CDH20: variants seen among roughly 807,000 people sequenced by gnomAD.
CDH20 encodes cadherin 20.
CDH20 carries 29 observed loss-of-function variants against 74.2 expected under a neutral mutation model. The ratio of observed to expected loss-of-function variants is 0.39; its 90% confidence interval spans 0.29 to 0.53. The LOEUF (loss-of-function observed/expected upper bound fraction) is 0.53. Ranked by LOEUF, CDH20 falls within the 20% of genes least tolerant of loss-of-function variation. CDH20 has a pLI of 0.69. For synonymous variants in CDH20, 469 were observed against 405.4 expected, an observed-to-expected ratio of 1.16 and a Z score of -1.88; for missense variants, 988 against 1,048.3, an observed-to-expected ratio of 0.94 and a Z score of 0.79.
At chr18:61,459,260 G>T (rs1909685854) in intron 1 of CDH20, among the ~76,000 whole-genome samples, 1 of 152,148 alleles carries the variant, frequency 6.6e-6, no homozygotes, top group African/African-American at 2.4e-5. Flanking sequence ...TGAATTTTTT[G>T]ATGATGGGAT....
At chr18:61,464,315 T>TA (rs35878314) in intron 1 of CDH20, among the ~76,000 whole-genome samples, 10,924 of 146,830 alleles carry the variant, frequency 0.074, 719 homozygotes, top group African/African-American at 0.16. Flanking sequence ...AGCAAGGTGT[T>TA]AAAAAAAAAA....
At chr18:61,426,577 T>C (rs1913078317) in intron 1 of CDH20, among the ~76,000 whole-genome samples, 1 of 152,178 alleles carries the variant, frequency 6.6e-6, no homozygotes, top group African/African-American at 2.4e-5. Context: ...TTAAATCGGT[T>C]CCTTTGCATG....
At chr18:61,424,445 C>T (rs909757077) in intron 1 of CDH20, among the ~76,000 whole-genome samples, 1 of 152,158 alleles carries the variant, frequency 6.6e-6, no homozygotes, top group Non-Finnish European at 1.5e-5. Flanking sequence ...GCAGTGTTAG[C>T]ACTGATTATT....
At chr18:61,509,427 C>T (rs532397459) in intron 6 of CDH20, among the ~76,000 whole-genome samples, 1 of 152,026 alleles carries the variant, frequency 6.6e-6, no homozygotes, top group African/African-American at 2.4e-5. Flanking sequence ...TTGAGGAAAG[C>T]GTTCCAAGCA....
At chr18:61,517,777 AC>A (rs1912054354) in intron 6 of CDH20, among the ~76,000 whole-genome samples, 1 of 151,494 alleles carries the variant, frequency 6.6e-6, no homozygotes, top group Admixed American at 6.6e-5. Flanking sequence ...AGAACCATTC[AC>A]TCCCCTGGAA....
At chr18:61,470,676 T>G (rs905740177) in intron 1 of CDH20, among the ~76,000 whole-genome samples, 2 of 151,966 alleles carry the variant, frequency 1.3e-5, no homozygotes, top group Non-Finnish European at 2.9e-5. Context: ...AGAGGTGAAC[T>G]TGGTGAAGAG....
At chr18:61,360,447 G>A (rs889694223) in intron 1 of CDH20, among the ~76,000 whole-genome samples, 1 of 152,178 alleles carries the variant, frequency 6.6e-6, no homozygotes, top group African/African-American at 2.4e-5. Context: ...TGCCCTAGAA[G>A]TGCTCAGGGT....
At chr18:61,371,483 A>G (rs915657756) in intron 1 of CDH20, among the ~76,000 whole-genome samples, 1 of 152,098 alleles carries the variant, frequency 6.6e-6, no homozygotes, top group Non-Finnish European at 1.5e-5. Context: ...GAGGTCACAC[A>G]TATTTTGGAA....
At chr18:61,545,224 G>A (rs1447458859) in intron 10 of CDH20, 80 bp downstream of exon 10, 2 of 864,544 alleles carry the variant, frequency 2.3e-6, no homozygotes, top group African/African-American at 1.7e-5. Flanking sequence ...TATGCAAACA[G>A]TGTCAAAGGC....
rs140152596 is a variant in CDH20 at position 61,428,465 on chromosome 18, G to A, written c.-152-61937G>A. On this transcript the variant is annotated intron_variant, in intron 1 of 11. Coordinates refer to ENST00000262717, the MANE Select transcript of CDH20 (RefSeq NM_031891.4). ...TTGACGGCTCCTGCAGTGCAAAAGC[G>A]GTAGCACAGCCACAGATGGCTGCTG... is the stretch of plus-strand genomic sequence containing the variant. 3.7e-3 allele frequency among the ~76,000 whole-genome samples: 556 copies of A among 152,266 alleles called. 5 individuals carry two copies. Among genetic ancestry groups the A allele is most frequent in the African/African-American group, 0.013 (539 of 41,542 alleles).
intron 7 of CDH20, among the ~76,000 whole-genome samples, chr18:61,535,502 A>T (rs1912791052): frequency 6.6e-6 from 1 of 152,166 alleles, no homozygotes; most frequent in Admixed American, 6.5e-5. Flanking sequence ...TGGGGACCAG[A>T]CGAGATAACA....
intron 1 of CDH20, among the ~76,000 whole-genome samples, chr18:61,464,256 T>G (rs1348531563): frequency 1.3e-5 from 2 of 151,878 alleles, no homozygotes; most frequent in Non-Finnish European, 2.9e-5. Flanking sequence ...GCTTCTAACT[T>G]TCAAAAAAAA....
chr18:61,518,384 G>T (rs1912079235), intron 6 of CDH20, among the ~76,000 whole-genome samples: 1 of 152,176 alleles, frequency 6.6e-6, no homozygotes, highest in Non-Finnish European at 1.5e-5. Flanking sequence ...CTGGCATCCA[G>T]CAGGTGCCCC....
chr18:61,383,863 G>A (rs1911514084), intron 1 of CDH20, among the ~76,000 whole-genome samples: 2 of 152,146 alleles, frequency 1.3e-5, no homozygotes, highest in African/African-American at 4.8e-5. Context: ...AAGTTTCTAG[G>A]ATGGGGAGAG....
chr18:61,527,077 G>A (rs958481552), intron 6 of CDH20, among the ~76,000 whole-genome samples: 2 of 152,180 alleles, frequency 1.3e-5, no homozygotes, highest in Non-Finnish European at 2.9e-5. Flanking sequence ...CTACTTAGGA[G>A]GCTGAGGCAG....
chr18:61,544,957 T>C (rs1913183996), intron 9 of CDH20, 70 bp from the exon 10 acceptor site: 3 of 989,196 alleles, frequency 3.0e-6, no homozygotes, highest in African/African-American at 1.6e-5. Context: ...TTTCCGGGTT[T>C]GGGATTTAAC....
At chr18:61,470,389 C>G (rs1910123468) in intron 1 of CDH20, among the ~76,000 whole-genome samples, 1 of 152,210 alleles carries the variant, frequency 6.6e-6, no homozygotes, top group African/African-American at 2.4e-5. Context: ...AGGAAAGGAA[C>G]CGATAAGCCT....
At chr18:61,446,181 C>T (rs566245198) in intron 1 of CDH20, among the ~76,000 whole-genome samples, 24 of 152,270 alleles carry the variant, frequency 1.6e-4, no homozygotes, top group African/African-American at 4.8e-4. Context: ...CTATACTTCA[C>T]GAGGGAAAAA....
chr18:61,336,566 A>G (rs1909767223), intron 1 of CDH20, among the ~76,000 whole-genome samples: 1 of 152,226 alleles, frequency 6.6e-6, no homozygotes, highest in Non-Finnish European at 1.5e-5. Context: ...GAAGTTATTG[A>G]ATGCCTTTTG....
Sources: allele counts gnomAD v4.1 joint callset (sites outside exome capture counted in the v4.1 genomes callset), GRCh38; gene constraint gnomAD v4.1.1; transcripts MANE v1.5; gene names NCBI Gene and HGNC (gene_info 2026-07-23, HGNC 2026-07-21).